Variants in NCKAP5 observed in about 807,000 individuals in gnomAD.
NCKAP5 encodes the protein NCK associated protein 5.
A neutral mutation model predicts 167.0 loss-of-function variants in NCKAP5; 92 were observed. That is an observed-to-expected ratio of 0.55 (90% CI 0.47 to 0.66). The LOEUF (loss-of-function observed/expected upper bound fraction) is 0.66, where lower values mean the gene tolerates loss of function less well. Ranked by LOEUF, NCKAP5 falls within the 30% of genes least tolerant of loss-of-function variation. The probability of loss-of-function intolerance (pLI) is 0.00; values close to 1 mark genes in which losing one functional copy is unlikely to be tolerated. For synonymous variants in NCKAP5, 891 were observed against 877.4 expected, an observed-to-expected ratio of 1.02 and a Z score of -0.27; for missense variants, 2,378 against 2,315.0, an observed-to-expected ratio of 1.03 and a Z score of -0.56.
intron 5 of NCKAP5, among the ~76,000 whole-genome samples, chr2:133,153,277 A>G (rs1157787820): frequency 6.6e-6 from 1 of 152,198 alleles, no homozygotes; most frequent in Non-Finnish European, 1.5e-5. Context: ...AATATAAATG[A>G]TAGAGTTTAG....
At chr2:133,383,785 T>C (rs1174834193) in intron 3 of NCKAP5, among the ~76,000 whole-genome samples, 2 of 152,178 alleles carry the variant, frequency 1.3e-5, no homozygotes, top group African/African-American at 4.8e-5. Flanking sequence ...TATCTCATTG[T>C]GGTTTTGATT....
At chr2:132,851,480 G>C (rs1689074764) in intron 11 of NCKAP5, among the ~76,000 whole-genome samples, 2 of 152,160 alleles carry the variant, frequency 1.3e-5, no homozygotes, top group South Asian at 4.1e-4. Flanking sequence ...GTATTTCTGA[G>C]CAGCTGCAGC....
chr2:133,128,458 T>C (rs1164823961), intron 6 of NCKAP5, among the ~76,000 whole-genome samples: 1 of 152,196 alleles, frequency 6.6e-6, no homozygotes, highest in East Asian at 1.9e-4. Context: ...CATAATAGTT[T>C]GAACCATCAC....
chr2:133,056,793 T>G (rs960009394), intron 6 of NCKAP5, among the ~76,000 whole-genome samples: 6 of 152,262 alleles, frequency 3.9e-5, no homozygotes, highest in African/African-American at 1.4e-4. Flanking sequence ...CAATTTTGTT[T>G]GAAAATTTTT....
intron 4 of NCKAP5, among the ~76,000 whole-genome samples, chr2:133,293,672 A>T (rs1679755002): frequency 6.6e-6 from 1 of 152,098 alleles, no homozygotes. Context: ...TCTCCCTACG[A>T]CCGTTCAGGA....
At chr2:133,304,898 A>G (rs1343472625) in intron 3 of NCKAP5, among the ~76,000 whole-genome samples, 3 of 152,202 alleles carry the variant, frequency 2.0e-5, no homozygotes, top group African/African-American at 7.2e-5. Context: ...GTGATAGGAA[A>G]GACTTTGGGA....
chr2:132,834,104 C>G (rs1468000572), intron 11 of NCKAP5, among the ~76,000 whole-genome samples: 1 of 152,056 alleles, frequency 6.6e-6, no homozygotes, highest in Non-Finnish European at 1.5e-5. Context: ...AATCTAAGAG[C>G]TTTTTGTAGA....
chr2:132,906,210 T>C (rs2148931267), intron 8 of NCKAP5, among the ~76,000 whole-genome samples: 1 of 152,336 alleles, frequency 6.6e-6, no homozygotes, highest in East Asian at 1.9e-4. Context: ...CATCCAACTA[T>C]AGTTACTGGA....
At chr2:133,009,079 A>G (rs1285829552) in intron 6 of NCKAP5, among the ~76,000 whole-genome samples, 2 of 152,190 alleles carry the variant, frequency 1.3e-5, no homozygotes, top group African/African-American at 4.8e-5. Flanking sequence ...GCAGGAAGAC[A>G]CTGAGGACTC....
chr2:133,306,922 A>G lies in NCKAP5; in HGVS notation c.70-3812T>C, dbSNP rs182145826. Among the ~76,000 whole-genome samples, 516 of 152,314 alleles carry G rather than the reference A, an allele frequency of 3.4e-3. 2 individuals carry two copies. Among genetic ancestry groups the G allele is most frequent in the African/African-American group, 0.012 (488 of 41,584 alleles). On this transcript the variant is annotated intron_variant, in intron 3 of 19. Transcript: ENST00000409261. ...CAATTAGTGTACGTATCATTCAGTTAGTGAAGAGCAAGCATCCTGTCATCT... is the reference window on the plus strand; with the variant it reads ...CAATTAGTGTACGTATCATTCAGTTGGTGAAGAGCAAGCATCCTGTCATCT...
intron 13 of NCKAP5, 44 bp from the exon 14 acceptor site, chr2:132,785,762 A>T: frequency 7.2e-7 from 1 of 1,396,608 alleles, no homozygotes; most frequent in Non-Finnish European, 9.4e-7. Flanking sequence ...AACCATGTAG[A>T]TCACAAAGAT....
At chr2:133,371,804 C>A (rs1404105301) in intron 3 of NCKAP5, among the ~76,000 whole-genome samples, 2 of 152,188 alleles carry the variant, frequency 1.3e-5, no homozygotes, top group Non-Finnish European at 2.9e-5. Flanking sequence ...GTTCTACCTC[C>A]ATACCTCAGT....
At chr2:132,942,914 A>G (rs1251824152) in intron 8 of NCKAP5, among the ~76,000 whole-genome samples, 1 of 152,218 alleles carries the variant, frequency 6.6e-6, no homozygotes, top group Non-Finnish European at 1.5e-5. Flanking sequence ...TCTTAGGAAG[A>G]GCAACGAAAC....
chr2:132,811,672 G>A (rs372772145), intron 11 of NCKAP5, among the ~76,000 whole-genome samples: 1 of 152,066 alleles, frequency 6.6e-6, no homozygotes, highest in Admixed American at 6.5e-5. Flanking sequence ...AGATAGGCTT[G>A]AAAACTTGCC....
At chr2:133,442,697 T>C (rs761620602) in intron 3 of NCKAP5, among the ~76,000 whole-genome samples, 4 of 152,154 alleles carry the variant, frequency 2.6e-5, no homozygotes, top group Non-Finnish European at 5.9e-5. Flanking sequence ...GCCAATGGTG[T>C]TTGTTGAACT....
intron 7 of NCKAP5, among the ~76,000 whole-genome samples, chr2:132,986,268 C>T (rs2077283485): frequency 6.6e-6 from 1 of 152,126 alleles, no homozygotes; most frequent in Non-Finnish European, 1.5e-5. Context: ...CACTTCAACT[C>T]TATTTTAACC....
chr2:133,267,154 G>A (rs1489458030), intron 4 of NCKAP5: 1 of 152,294 alleles, frequency 6.6e-6, no homozygotes, highest in African/African-American at 2.4e-5. Context: ...GCCCTGAGAG[G>A]GGGCCTGGAG....
intron 7 of NCKAP5, among the ~76,000 whole-genome samples, chr2:132,970,392 A>G (rs1022068192): frequency 2.6e-5 from 4 of 152,206 alleles, no homozygotes; most frequent in African/African-American, 4.8e-5. Flanking sequence ...AGGCCCACTC[A>G]TGAGGATGTC....
intron 6 of NCKAP5, among the ~76,000 whole-genome samples, chr2:133,021,824 T>C (rs1011112277): frequency 3.3e-5 from 5 of 152,056 alleles, no homozygotes; most frequent in African/African-American, 1.2e-4. Context: ...AGAGACGAGG[T>C]TTTGCCACTT....
Sources: gnomAD v4.1 joint callset for allele counts (sites outside exome capture counted in the v4.1 genomes callset) on GRCh38, gnomAD v4.1.1 for gene constraint, MANE v1.5 for transcripts, NCBI Gene and HGNC (gene_info 2026-07-23, HGNC 2026-07-21) for gene names.